Variants in MCC observed in about 807,000 individuals in gnomAD.
The protein encoded by MCC is MCC regulator of Wnt signaling pathway.
Under a neutral mutation model 116.2 loss-of-function variants are expected in MCC, and 90 were observed. The observed-to-expected ratio is 0.77, with a 90% CI of 0.65 to 0.92. The LOEUF (loss-of-function observed/expected upper bound fraction) is 0.92, where lower values mean the gene tolerates loss of function less well. MCC is among the 40% of genes least tolerant of loss of function. The pLI, the probability that MCC is intolerant of heterozygous loss-of-function variation, is 0.00. For missense variants in MCC, 1,516 were observed against 1,312.2 expected (o/e 1.16, Z -2.40); for synonymous variants, 578 against 510.5 (o/e 1.13, Z -1.78).
At chr5:113,245,234 G>A (rs147474752) in intron 3 of MCC, among the ~76,000 whole-genome samples, 26 of 148,574 alleles carry the variant, frequency 1.7e-4, no homozygotes, top group African/African-American at 6.3e-4. Flanking sequence ...AGAAGTTGCA[G>A]TAAGCCAAGA....
intron 8 of MCC, among the ~76,000 whole-genome samples, chr5:113,091,443 G>A (rs559083287): frequency 5.3e-5 from 8 of 152,294 alleles, no homozygotes; most frequent in South Asian, 2.1e-4. Flanking sequence ...TGAATCAGGA[G>A]CTGAATTCAC....
chr5:113,046,243 G>A (rs1030932542), intron 16 of MCC, among the ~76,000 whole-genome samples: 35 of 151,384 alleles, frequency 2.3e-4, no homozygotes, highest in African/African-American at 8.0e-4. Flanking sequence ...CCCAGGCTGT[G>A]GTGCGGCTGC....
chr5:113,187,320 G>T (rs1392749529), intron 3 of MCC, among the ~76,000 whole-genome samples: 1 of 152,116 alleles, frequency 6.6e-6, no homozygotes, highest in East Asian at 1.9e-4. Flanking sequence ...TGTTGGCCAG[G>T]CTCATTTTGA....
At chr5:113,035,725 CATCT>C (rs1751284258) in intron 17 of MCC, among the ~76,000 whole-genome samples, 1 of 152,140 alleles carries the variant, frequency 6.6e-6, no homozygotes. Context: ...ACTGACCACC[CATCT>C]AAACTCATGT....
At chr5:113,270,187 T>G (rs896619578) in intron 3 of MCC, among the ~76,000 whole-genome samples, 6 of 152,236 alleles carry the variant, frequency 3.9e-5, no homozygotes, top group African/African-American at 1.4e-4. Context: ...AGACAAAGAT[T>G]CCTTCTTTAG....
At chr5:113,444,454 G>A (rs1235696125) in intron 1 of MCC, among the ~76,000 whole-genome samples, 1 of 152,026 alleles carries the variant, frequency 6.6e-6, no homozygotes. Context: ...TTCTTTGAAG[G>A]AAAAAAAGTG....
At chr5:113,118,386 A>G (rs140288549) in intron 6 of MCC, among the ~76,000 whole-genome samples, 1,899 of 152,318 alleles carry the variant, frequency 0.012, 22 homozygotes, top group Middle Eastern at 0.02. Context: ...AGTGTGACAG[A>G]GGCTGGCACC....
chr5:113,147,564 C>A (rs1022261139), intron 4 of MCC, among the ~76,000 whole-genome samples: 1 of 152,146 alleles, frequency 6.6e-6, no homozygotes, highest in Non-Finnish European at 1.5e-5. Flanking sequence ...GGGGTTAGTA[C>A]CACTCTCTTT....
intron 2 of MCC, among the ~76,000 whole-genome samples, chr5:113,367,942 A>G (rs2150387853): frequency 6.6e-6 from 1 of 152,244 alleles, no homozygotes; most frequent in Middle Eastern, 3.4e-3. Flanking sequence ...AGAATTATTT[A>G]AGTAAAAGGA....
intron 3 of MCC, among the ~76,000 whole-genome samples, chr5:113,317,498 C>T (rs1380825726): frequency 6.6e-6 from 1 of 152,068 alleles, no homozygotes; most frequent in Non-Finnish European, 1.5e-5. Context: ...TACAGGTGTA[C>T]CAGCAGTTGT....
intron 8 of MCC, among the ~76,000 whole-genome samples, chr5:113,095,467 C>A (rs190669168): frequency 2.6e-5 from 4 of 152,308 alleles, no homozygotes; most frequent in Non-Finnish European, 4.4e-5. Flanking sequence ...CATCACCCAT[C>A]ACAAATAAGT....
intron 2 of MCC, among the ~76,000 whole-genome samples, chr5:113,364,238 G>GAAAAAAAAAAAAAAAAAAAAAACA (rs1768627557): frequency 7.9e-4 from 39 of 49,426 alleles, no homozygotes; most frequent in Non-Finnish European, 9.0e-4. Context: ...CTCAAAAACA[G>GAAAAAAAAAAAAAAAAAAAAAACA]AAAAAAAAAA....
At chr5:113,228,831 T>C (rs1581280409) in intron 3 of MCC, among the ~76,000 whole-genome samples, 1 of 152,182 alleles carries the variant, frequency 6.6e-6, no homozygotes, top group Non-Finnish European at 1.5e-5. Flanking sequence ...CACACGCTCA[T>C]AGCTTAGCTG....
At chr5:113,108,243 G>A (rs1032203565) in intron 6 of MCC, among the ~76,000 whole-genome samples, 19 of 147,842 alleles carry the variant, frequency 1.3e-4, no homozygotes, top group Admixed American at 6.2e-4. Context: ...TGAGGCAGGA[G>A]AATCACTTGA....
intron 1 of MCC, among the ~76,000 whole-genome samples, chr5:113,482,165 G>A (rs892437974): frequency 1.3e-5 from 2 of 152,168 alleles, no homozygotes; most frequent in Non-Finnish European, 2.9e-5. Flanking sequence ...TCATTCATCA[G>A]ATGATGAACA....
At chr5:113,336,700 A>G (rs1767877209) in intron 3 of MCC, among the ~76,000 whole-genome samples, 1 of 152,242 alleles carries the variant, frequency 6.6e-6, no homozygotes, top group Non-Finnish European at 1.5e-5. Context: ...TCTAGCCCTT[A>G]GGATAATAAA....
chr5:113,132,477 C>A (rs1381727557), intron 5 of MCC, among the ~76,000 whole-genome samples: 4 of 138,284 alleles, frequency 2.9e-5, no homozygotes, highest in South Asian at 4.5e-4. Flanking sequence ...CACACACACA[C>A]ATACATATAT....
intron 3 of MCC, among the ~76,000 whole-genome samples, chr5:113,179,904 T>A (rs1017616886): frequency 1.3e-5 from 2 of 152,224 alleles, no homozygotes; most frequent in African/African-American, 4.8e-5. Context: ...GCTATGGGTA[T>A]TGCAGGAATC....
At chr5:113,203,746 A>G (rs1035227986) in intron 3 of MCC, among the ~76,000 whole-genome samples, 1 of 152,260 alleles carries the variant, frequency 6.6e-6, no homozygotes, top group Non-Finnish European at 1.5e-5. Flanking sequence ...AATAAAGGCT[A>G]CATGTGAAAT....
Sources: allele counts gnomAD v4.1 joint callset (sites outside exome capture counted in the v4.1 genomes callset), GRCh38; gene constraint gnomAD v4.1.1; transcripts MANE v1.5; gene names NCBI Gene and HGNC (gene_info 2026-07-23, HGNC 2026-07-21).